The following ANK2 variants were observed in gnomAD, a reference collection of about 807,000 sequenced individuals.
The protein encoded by ANK2 is ankyrin 2, also known as ankyrin-2.
ANK2 carries 83 observed loss-of-function variants against 360.5 expected under a neutral mutation model. The observed-to-expected ratio is 0.23, with a 90% confidence interval of 0.19 to 0.28. ANK2 has a LOEUF of 0.28. ANK2 is among the 10% of genes least tolerant of loss of function. The probability of loss-of-function intolerance (pLI) is 1.00; values close to 1 mark genes in which losing one functional copy is unlikely to be tolerated. For missense variants in ANK2, 4,201 were observed against 4,795.7 expected (o/e 0.88, Z 3.66); for synonymous variants, 1,740 against 1,759.5 (o/e 0.99, Z 0.28).
chr4:112,847,168 A>G (rs951271946), intron 1 of ANK2, among the ~76,000 whole-genome samples: 3 of 151,852 alleles, frequency 2.0e-5, no homozygotes, highest in African/African-American at 7.3e-5. Context: ...TTCAGCCTCC[A>G]CTCTCTGATA....
the ANK2 span, among the ~76,000 whole-genome samples, chr4:112,750,875 G>A: frequency 2.0e-5 from 3 of 151,948 alleles, no homozygotes; most frequent in Non-Finnish European, 4.4e-5. Flanking sequence ...TCACAGGCAC[G>A]GGCCACCATG....
Position 113,360,851 on chromosome 4 carries a change from G to T in ANK2, c.10710G>T (p.Glu3570Asp). 6.2e-7 allele frequency: 1 copy of T among 1,612,798 alleles called. No individual in the cohort carries two copies. Among genetic ancestry groups the T allele is most frequent in the South Asian group, 1.1e-5 (1 of 90,986 alleles). Residue 3570 changes from glutamate to aspartate, a missense_variant, in exon 39 of 46, where the codon GAG (glutamate) becomes GAT (aspartate). Glu to Asp is a conservative substitution (Grantham distance 45). Transcript: ENST00000357077. Reference sequence around the variant, plus strand: ...CACAGGATGAGCAGGAACGGATCGAGGAAAGGCTGGCTTATATTGCTGATC... The same window carrying T: ...CACAGGATGAGCAGGAACGGATCGATGAAAGGCTGGCTTATATTGCTGATC... ...EDPQDEQERI[E>D]ERLAYIADHL...
the ANK2 span, among the ~76,000 whole-genome samples, chr4:112,739,389 G>C: frequency 6.6e-6 from 1 of 152,166 alleles, no homozygotes; most frequent in Admixed American, 6.5e-5. Context: ...GGCTGAGGCA[G>C]GTGGATCATG....
intron 1 of ANK2, among the ~76,000 whole-genome samples, chr4:112,839,754 C>A (rs938445497): frequency 2.0e-5 from 3 of 152,116 alleles, no homozygotes; most frequent in African/African-American, 7.2e-5. Context: ...TGTCAATGAC[C>A]AGCTTTAAGG....
chr4:113,310,816 CA>C lies in ANK2; in HGVS notation c.2549-438del, dbSNP rs1333388950. On this transcript the variant is annotated intron_variant, in intron 23 of 45. Transcript: ENST00000357077. ...TTATGTGACAGATTCTGTATTAAAC[CA>C]TCCCCTTCACCTTTTCATGAATAAG... Among the ~76,000 whole-genome samples the C allele has an allele frequency of 1.1e-4, 17 of 152,302 alleles. No homozygotes were observed. The East Asian group carries it at 2.1e-3, about 19-fold the overall frequency.
chr4:113,066,936 A>G (rs674181), intron 1 of ANK2, among the ~76,000 whole-genome samples: 130,244 of 151,914 alleles, frequency 0.86, 56,133 homozygotes, highest in African/African-American at 0.93. Flanking sequence ...AGTGCTTAGA[A>G]TAGGGCTTGG....
intron 2 of ANK2, among the ~76,000 whole-genome samples, chr4:112,963,507 A>G (rs550746260): frequency 1.3e-5 from 2 of 152,190 alleles, no homozygotes; most frequent in African/African-American, 2.4e-5. Flanking sequence ...CAAAATTTTG[A>G]TAAGTAAAAA....
chr4:113,322,260 A>C (rs1216974822), intron 26 of ANK2, among the ~76,000 whole-genome samples: 1 of 147,312 alleles, frequency 6.8e-6, no homozygotes, highest in African/African-American at 2.7e-5. Flanking sequence ...TTAAAAAATC[A>C]GTATCAGTGA....
chr4:113,103,924 T>C (rs929277530), intron 1 of ANK2, among the ~76,000 whole-genome samples: 1 of 152,138 alleles, frequency 6.6e-6, no homozygotes, highest in South Asian at 2.1e-4. Flanking sequence ...TTAGTTGTGA[T>C]TTTTGTCCCC....
At chr4:113,006,447 C>T (rs1475486752) in intron 2 of ANK2, among the ~76,000 whole-genome samples, 2 of 152,160 alleles carry the variant, frequency 1.3e-5, no homozygotes, top group African/African-American at 2.4e-5. Flanking sequence ...CTCACAAGAG[C>T]AGGACAAGTT....
the ANK2 span, among the ~76,000 whole-genome samples, chr4:112,730,636 C>CAAAAAAAAAAAAAA: frequency 2.2e-4 from 13 of 57,926 alleles, no homozygotes; most frequent in Middle Eastern, 0.019. Flanking sequence ...GACTCCATCT[C>CAAAAAAAAAAAAAA]AAAAAAAAAA....
intron 2 of ANK2, among the ~76,000 whole-genome samples, chr4:113,023,150 C>T (rs1305836899): frequency 6.6e-6 from 1 of 152,054 alleles, no homozygotes; most frequent in Non-Finnish European, 1.5e-5. Flanking sequence ...TATTTTAAAA[C>T]TAGGTTGAGT....
intron 31 of ANK2, among the ~76,000 whole-genome samples, chr4:113,338,472 G>A (rs559957874): frequency 6.6e-5 from 10 of 151,368 alleles, no homozygotes; most frequent in Middle Eastern, 6.9e-3. Context: ...ATTGCACATC[G>A]AGAGGAACTT....
At chr4:112,810,159 ATTTTTTTTTTTT>A in the ANK2 span, among the ~76,000 whole-genome samples, 46 of 35,744 alleles carry the variant, frequency 1.3e-3, no homozygotes, top group African/African-American at 5.1e-3. Flanking sequence ...ATATATATAT[ATTTTTTTTTTTT>A]TTTTTTTTTT....
At chr4:113,034,403 A>G (rs1036820996) in intron 2 of ANK2, 2 of 152,050 alleles carry the variant, frequency 1.3e-5, no homozygotes, top group Non-Finnish European at 2.9e-5. Flanking sequence ...TGACCAGAAT[A>G]CTGGAAAGAA....
chr4:113,188,188 C>T (rs915098841), intron 2 of ANK2, among the ~76,000 whole-genome samples: 10 of 152,074 alleles, frequency 6.6e-5, no homozygotes, highest in African/African-American at 2.4e-4. Context: ...ATTATTTCAC[C>T]CACATCAGAG....
At chr4:112,791,368 A>G in the ANK2 span, among the ~76,000 whole-genome samples, 3 of 152,128 alleles carry the variant, frequency 2.0e-5, no homozygotes, top group Non-Finnish European at 4.4e-5. Context: ...ATAGGGGTAC[A>G]TATTCGTAAA....
chr4:113,215,512 A>T (rs17529753), intron 4 of ANK2, among the ~76,000 whole-genome samples: 5,674 of 152,280 alleles, frequency 0.037, 127 homozygotes, highest in East Asian at 0.067. Context: ...ATTGAGACTG[A>T]GAGATTACTA....
the ANK2 span, chr4:112,788,952 C>T: frequency 1.7e-6 from 1 of 589,906 alleles, no homozygotes; most frequent in Non-Finnish European, 3.0e-6. Flanking sequence ...ACAGCATAAA[C>T]TCTCTGAGGG....
Sources: gnomAD v4.1 joint callset for allele counts (sites outside exome capture counted in the v4.1 genomes callset) on GRCh38, gnomAD v4.1.1 for gene constraint, MANE v1.5 for transcripts, NCBI Gene and HGNC (gene_info 2026-07-23, HGNC 2026-07-21) for gene names.